CCDC172: variants seen among roughly 807,000 people sequenced by gnomAD.
CCDC172 encodes coiled-coil domain containing 172, also known as coiled-coil domain-containing protein 172.
CCDC172 carries 30 observed loss-of-function variants against 38.0 expected under a neutral mutation model. The observed-to-expected ratio is 0.79, with a 90% CI of 0.59 to 1.07. The LOEUF (loss-of-function observed/expected upper bound fraction) is 1.07, where lower values mean the gene tolerates loss of function less well. Ranked by LOEUF, CCDC172 falls within the 50% of genes least tolerant of loss-of-function variation. The pLI is 0.00. For synonymous variants in CCDC172, 78 were observed against 88.3 expected, an observed-to-expected ratio of 0.88 and a Z score of 0.66; for missense variants, 297 against 290.1, an observed-to-expected ratio of 1.02 and a Z score of -0.17.
chr10:116,335,661 C>T (rs1844721321), intron 3 of CCDC172, among the ~76,000 whole-genome samples: 1 of 151,816 alleles, frequency 6.6e-6, no homozygotes, highest in African/African-American at 2.4e-5. Context: ...TTGTATGTTC[C>T]TCAGTAGAAG....
At chr10:116,370,892 A>G (rs1845179373) in intron 7 of CCDC172, among the ~76,000 whole-genome samples, 1 of 151,778 alleles carries the variant, frequency 6.6e-6, no homozygotes. Flanking sequence ...TTGTATGCTA[A>G]TTTTATATCT....
At chr10:116,373,292 T>C (rs563153406) in intron 7 of CCDC172, among the ~76,000 whole-genome samples, 1 of 152,022 alleles carries the variant, frequency 6.6e-6, no homozygotes, top group African/African-American at 2.4e-5. Flanking sequence ...AATATAAAAT[T>C]AGAAATGAAA....
At chr10:116,327,071 G>A (rs1844601720) in intron 3 of CCDC172, among the ~76,000 whole-genome samples, 1 of 152,096 alleles carries the variant, frequency 6.6e-6, no homozygotes, top group East Asian at 1.9e-4. Context: ...GTATGCAGGG[G>A]CACTGTTCTA....
At chr10:116,367,897 C>G (rs1279135874) in intron 7 of CCDC172, among the ~76,000 whole-genome samples, 1 of 151,890 alleles carries the variant, frequency 6.6e-6, no homozygotes, top group East Asian at 1.9e-4. Context: ...ATGTTTTCTT[C>G]TAAGCTCTTT....
chr10:116,357,431 A>T lies in CCDC172; in HGVS notation c.500A>T (p.Gln167Leu). 6.3e-7 allele frequency: 1 copy of T among 1,585,504 alleles called. No homozygotes were observed. Among genetic ancestry groups the T allele is most frequent in the Non-Finnish European group, 8.6e-7 (1 of 1,168,418 alleles). ...AGCCAGTTAAATGAACTTCAAAAACAAAAGAGTGAATTGATACAAGAATTA... is the reference window on the plus strand; with the variant it reads ...AGCCAGTTAAATGAACTTCAAAAACTAAAGAGTGAATTGATACAAGAATTA... ...DSSQLNELQK[Q>L]KSELIQELFT... is the part of the protein sequence containing the mutation. Residue 167 changes from glutamine to leucine, a missense_variant, in exon 6 of 9, where the codon CAA (glutamine) becomes CTA (leucine). By Grantham distance (113) the Gln-to-Leu change is moderately radical. Coordinates refer to ENST00000333254, the MANE Select transcript of CCDC172 (RefSeq NM_198515.3).
chr10:116,349,247 A>G (rs1244790287), intron 5 of CCDC172, among the ~76,000 whole-genome samples: 1 of 152,194 alleles, frequency 6.6e-6, no homozygotes, highest in Non-Finnish European at 1.5e-5. Flanking sequence ...ATTTCATTAT[A>G]GATAACAATG....
At chr10:116,353,874 G>A (rs535328535) in intron 5 of CCDC172, among the ~76,000 whole-genome samples, 38 of 152,296 alleles carry the variant, frequency 2.5e-4, no homozygotes, top group African/African-American at 7.5e-4. Flanking sequence ...CAATAGTGTT[G>A]GCAAGAATAT....
At chr10:116,350,385 G>T (rs1223677238) in intron 5 of CCDC172, among the ~76,000 whole-genome samples, 1 of 152,124 alleles carries the variant, frequency 6.6e-6, no homozygotes, top group African/African-American at 2.4e-5. Context: ...ATGTTTTGAA[G>T]GTAGCAAGGA....
At chr10:116,324,912 C>G in intron 1 of CCDC172, 35 bp from the exon 2 acceptor site, 1 of 967,682 alleles carries the variant, frequency 1.0e-6, no homozygotes, top group East Asian at 2.5e-5. Flanking sequence ...GGGAATGGTT[C>G]TAGAAGAATC....
intron 5 of CCDC172, among the ~76,000 whole-genome samples, chr10:116,356,737 G>T (rs536693884): frequency 5.9e-5 from 9 of 152,158 alleles, no homozygotes; most frequent in Non-Finnish European, 8.8e-5. Flanking sequence ...TAGCAATATT[G>T]TGAAAGCTTG....
chr10:116,373,515 A>AT (rs1451880666), intron 7 of CCDC172, among the ~76,000 whole-genome samples: 1 of 152,020 alleles, frequency 6.6e-6, no homozygotes, highest in South Asian at 2.1e-4. Context: ...TTTTATTTTT[A>AT]TTTTTTTGAG....
intron 3 of CCDC172, among the ~76,000 whole-genome samples, chr10:116,333,764 T>C (rs1203752745): frequency 6.6e-6 from 1 of 151,990 alleles, no homozygotes; most frequent in Non-Finnish European, 1.5e-5. Context: ...GGAATAGGAG[T>C]TTTATTTGAG....
intron 3 of CCDC172, among the ~76,000 whole-genome samples, chr10:116,338,760 G>A (rs1256168107): frequency 2.0e-5 from 3 of 151,978 alleles, no homozygotes; most frequent in Non-Finnish European, 4.4e-5. Context: ...CTTAACATAA[G>A]GCTTTCCTGA....
At chr10:116,361,208 C>G (rs1003141224) in intron 7 of CCDC172, among the ~76,000 whole-genome samples, 3 of 151,976 alleles carry the variant, frequency 2.0e-5, no homozygotes, top group African/African-American at 7.2e-5. Context: ...TGATCTCGAA[C>G]TCCTGACCCC....
At chr10:116,330,166 C>T (rs1191645028) in intron 3 of CCDC172, among the ~76,000 whole-genome samples, 7 of 152,134 alleles carry the variant, frequency 4.6e-5, no homozygotes, top group African/African-American at 1.4e-4. Context: ...AAACATCTGA[C>T]ATTCTTCTTA....
At chr10:116,361,102 C>G (rs561949577) in intron 7 of CCDC172, among the ~76,000 whole-genome samples, 4 of 149,944 alleles carry the variant, frequency 2.7e-5, no homozygotes, top group African/African-American at 2.4e-5. Flanking sequence ...AAGTCTTGCT[C>G]TGTATCCCAG....
At chr10:116,342,301 G>T in intron 5 of CCDC172, 100 bp downstream of exon 5, 1 of 941,368 alleles carries the variant, frequency 1.1e-6, no homozygotes, top group South Asian at 1.7e-5. Context: ...GAGCAAATTG[G>T]GTTATTGCAT....
intron 3 of CCDC172, among the ~76,000 whole-genome samples, chr10:116,328,901 G>A (rs1022606850): frequency 6.6e-6 from 1 of 152,076 alleles, no homozygotes; most frequent in African/African-American, 2.4e-5. Context: ...TTTTGTAATT[G>A]GAGTGCTTTT....
At chr10:116,354,180 TAAAC>T (rs1844965667) in intron 5 of CCDC172, among the ~76,000 whole-genome samples, 1 of 152,200 alleles carries the variant, frequency 6.6e-6, no homozygotes, top group African/African-American at 2.4e-5. Flanking sequence ...GATCGCAGTG[TAAAC>T]AAACCTATTG....
Sources: gnomAD v4.1 joint callset for allele counts (sites outside exome capture counted in the v4.1 genomes callset) on GRCh38, gnomAD v4.1.1 for gene constraint, MANE v1.5 for transcripts, NCBI Gene and HGNC (gene_info 2026-07-23, HGNC 2026-07-21) for gene names.